Variants in ARHGAP32 observed in about 807,000 individuals in gnomAD.
ARHGAP32 encodes Rho GTPase activating protein 32.
ARHGAP32 carries 51 observed loss-of-function variants against 186.5 expected under a neutral mutation model. That is an observed-to-expected ratio of 0.27 (90% CI 0.22 to 0.35). The LOEUF (loss-of-function observed/expected upper bound fraction) is 0.35, where lower values mean the gene tolerates loss of function less well. Ranked by LOEUF, ARHGAP32 falls within the 10% of genes least tolerant of loss-of-function variation. The pLI is 1.00. For missense variants in ARHGAP32, 2,186 were observed against 2,623.5 expected, an observed-to-expected ratio of 0.83 and a Z score of 3.64; for synonymous variants, 950 against 964.3, an observed-to-expected ratio of 0.99 and a Z score of 0.27.
chr11:128,975,115 C>T (rs767754929), intron 20 of ARHGAP32, 113 bp from the exon 21 acceptor site: 178 of 856,328 alleles, frequency 2.1e-4, no homozygotes, highest in Non-Finnish European at 2.9e-4. Context: ...GGAAGTGTTA[C>T]TTCTCATTTT....
At position 129,063,960 on chromosome 11, in the gene ARHGAP32, C is replaced by T. The variant is rs1241989185; in HGVS notation, c.827G>A (p.Gly276Asp). The T allele has an allele frequency of 6.2e-7, 1 of 1,612,798 alleles. No individual in the cohort carries two copies. The highest frequency in any genetic ancestry group is 8.5e-7 in the Non-Finnish European group (1 of 1,179,302). Residue 276 changes from glycine (G) to aspartate (D), a missense_variant, in exon 9 of 23, where the codon GGT becomes GAT. Transcript: ENST00000682385. The stretch of plus-strand genomic sequence containing the variant: ...GTACCTCTTGATAACATGGGCAGCA[C>T]CGACAGCAGGAGTGTTGATGGATGA... The part of the protein sequence containing the change: ...EESSINTPAV[G>D]AAHVIKRYTA...
chr11:129,127,428 G>A (rs1344028296), intron 2 of ARHGAP32, among the ~76,000 whole-genome samples: 13 of 152,106 alleles, frequency 8.5e-5, no homozygotes, highest in Admixed American at 8.5e-4. Flanking sequence ...TGTATGTTCT[G>A]TCCAGCAATA....
At chr11:128,978,275 T>C (rs1371421431) in intron 19 of ARHGAP32, among the ~76,000 whole-genome samples, 5 of 152,184 alleles carry the variant, frequency 3.3e-5, no homozygotes, top group Middle Eastern at 3.2e-3. Flanking sequence ...CAATAGAATA[T>C]GGCTTTTAAA....
At chr11:129,217,617 A>C (rs1468540272) in intron 1 of ARHGAP32, among the ~76,000 whole-genome samples, 1 of 152,180 alleles carries the variant, frequency 6.6e-6, no homozygotes, top group Non-Finnish European at 1.5e-5. Flanking sequence ...AGATGTCTTT[A>C]TACCTCCTCT....
At chr11:129,211,862 G>A (rs1944586154) in intron 1 of ARHGAP32, among the ~76,000 whole-genome samples, 1 of 152,112 alleles carries the variant, frequency 6.6e-6, no homozygotes, top group Admixed American at 6.6e-5. Context: ...TAAATGTAAA[G>A]TACTAAAATT....
chr11:129,226,625 A>C (rs1385384422), intron 1 of ARHGAP32, among the ~76,000 whole-genome samples: 1 of 152,208 alleles, frequency 6.6e-6, no homozygotes, highest in Non-Finnish European at 1.5e-5. Flanking sequence ...AACTAACAGC[A>C]AAATGGAAGA....
chr11:129,212,912 C>CAAAAAAAAAAAAAA (rs1258001232), intron 1 of ARHGAP32, among the ~76,000 whole-genome samples: 1 of 125,414 alleles, frequency 8.0e-6, no homozygotes. Flanking sequence ...AATGTAGGTG[C>CAAAAAAAAAAAAAA]AAAAAAAAAA....
At position 128,970,362 on chromosome 11, in the gene ARHGAP32, T is replaced by G. The variant is rs757794294; in HGVS notation, c.4851A>C (p.Glu1617Asp). ...AGGCTGGCTCATCATCTGGGGGAAC[T>G]TCTGTCCGTGAAATGGGAACAGAGC... ...MIRSVPISRT[E>D]VPPDDEPAYC... is the part of the protein sequence containing the mutation. The change falls in exon 23 of 23, where the codon GAA (glutamate) becomes GAC (aspartate). Residue 1617 changes from glutamate to aspartate, a missense_variant. This residue lies in a region of ARHGAP32 where 1,502 missense variants were observed against 1,570.0 expected (regional missense o/e 0.96). Transcript: ENST00000682385. The surrounding 1 kb of genome is among the most constrained non-coding windows in gnomAD (Gnocchi z 5.8). The G allele has an allele frequency of 6.2e-7, 1 of 1,614,172 alleles. No homozygotes were observed. Among genetic ancestry groups the G allele is most frequent in the Non-Finnish European group, 8.5e-7 (1 of 1,180,026 alleles).
intron 1 of ARHGAP32, among the ~76,000 whole-genome samples, chr11:129,219,920 C>T (rs540553535): frequency 6.6e-6 from 1 of 152,184 alleles, no homozygotes; most frequent in South Asian, 2.1e-4. Flanking sequence ...AGGCTTCAAG[C>T]AGAATAATCC....
At chr11:129,169,489 G>C (rs1437219210) in intron 1 of ARHGAP32, among the ~76,000 whole-genome samples, 1 of 151,958 alleles carries the variant, frequency 6.6e-6, no homozygotes, top group Non-Finnish European at 1.5e-5. Context: ...AAATTAGCTG[G>C]GCGTGGTGGC....
chr11:129,231,689 G>A lies in ARHGAP32; in HGVS notation c.-5+47457C>T, dbSNP rs1308721604. Among the ~76,000 whole-genome samples the A allele has an allele frequency of 2.6e-5, 4 of 152,186 alleles. No individual in the cohort carries two copies. The East Asian group carries it at 7.7e-4, about 29-fold the overall frequency. On this transcript the variant is annotated intron_variant, in intron 1 of 6. Transcript: ENST00000525234. ...AGGTTTGTCAGTCATCCCAACTGAAGACAACTTTGAAGGGCCATCCCAATT... is the reference window on the plus strand; with the variant it reads ...AGGTTTGTCAGTCATCCCAACTGAAAACAACTTTGAAGGGCCATCCCAATT...
intron 1 of ARHGAP32, among the ~76,000 whole-genome samples, chr11:129,258,734 A>G (rs551647123): frequency 6.6e-6 from 1 of 152,306 alleles, no homozygotes; most frequent in South Asian, 2.1e-4. Flanking sequence ...TAAACTTCCT[A>G]AATAATTTTT....
intron 1 of ARHGAP32, among the ~76,000 whole-genome samples, chr11:129,183,709 G>A (rs1417556942): frequency 6.6e-6 from 1 of 151,746 alleles, no homozygotes; most frequent in African/African-American, 2.4e-5. Flanking sequence ...ATTTTTTTCT[G>A]GAAGACCCCA....
chr11:129,202,070 GTACATA>G (rs530897305), intron 1 of ARHGAP32, among the ~76,000 whole-genome samples: 30 of 151,362 alleles, frequency 2.0e-4, no homozygotes, highest in Non-Finnish European at 2.9e-4. Context: ...ATATATACAA[GTACATA>G]TACATATACA....
Position 128,972,808 on chromosome 11 carries a change from G to A in ARHGAP32, c.3698C>T (p.Ala1233Val). 6.2e-7 allele frequency: 1 copy of A among 1,613,962 alleles called. No homozygotes were observed. Among genetic ancestry groups the A allele is most frequent in the African/African-American group, 1.3e-5 (1 of 74,958 alleles). The change falls in exon 22 of 23, where the codon GCA becomes GTA. Residue 1233 changes from alanine to valine, a missense_variant. Coordinates refer to ENST00000682385, the MANE Select transcript of ARHGAP32 (RefSeq NM_001378024.1). ...SGDQPPSYLG[A>V]SVDKLHHPLE... ...AGGGTGATGGAGTTTATCCACACTT[G>A]CACCAAGATAAGAAGGAGGCTGATC...
At chr11:128,976,658 G>A (rs1172670454) in intron 19 of ARHGAP32, 24 bp from the exon 20 acceptor site, 2 of 1,591,762 alleles carry the variant, frequency 1.3e-6, no homozygotes, top group Non-Finnish European at 8.6e-7. Flanking sequence ...AACACATAGT[G>A]TGAAGATTTC....
chr11:129,265,119 A>T (rs2135716534), intron 1 of ARHGAP32, among the ~76,000 whole-genome samples: 1 of 152,374 alleles, frequency 6.6e-6, no homozygotes, highest in East Asian at 1.9e-4. Context: ...ATCTTGCTCT[A>T]CACTCACTGT....
At chr11:129,174,496 G>C (rs1040273631) in intron 1 of ARHGAP32, among the ~76,000 whole-genome samples, 1 of 152,172 alleles carries the variant, frequency 6.6e-6, no homozygotes, top group Non-Finnish European at 1.5e-5. Flanking sequence ...GCAGGGCACA[G>C]ACAAATAAAA....
chr11:128,972,988 C>T lies in ARHGAP32; in HGVS notation c.3518G>A (p.Gly1173Glu). ...GNQPHQAYLS[G>E]DPEKARITSV... The stretch of plus-strand genomic sequence containing the variant: ...AGTAATTCTGGCCTTTTCTGGGTCC[C>T]CAGATAAATATGCTTGATGTGGCTG... The change falls in exon 22 of 23, where the codon GGG becomes GAG. Residue 1173 changes from glycine to glutamate, a missense_variant. By Grantham distance (98) the Gly-to-Glu change is moderately conservative. This residue lies in a region of ARHGAP32 where 1,502 missense variants were observed against 1,570.0 expected (regional missense o/e 0.96). Transcript: ENST00000682385. 1 of 1,613,994 alleles carries T rather than the reference C, an allele frequency of 6.2e-7. No individual in the cohort carries two copies. The highest frequency in any genetic ancestry group is 8.5e-7 in the Non-Finnish European group (1 of 1,180,004).
Sources: allele counts gnomAD v4.1 joint callset (sites outside exome capture counted in the v4.1 genomes callset), GRCh38; gene constraint gnomAD v4.1.1; regional missense constraint gnomAD v4.1.1; non-coding constraint Gnocchi (gnomAD v3.1); transcripts MANE v1.5; gene names NCBI Gene and HGNC (gene_info 2026-07-23, HGNC 2026-07-21).